The following SDCCAG8 variants were observed in gnomAD, a reference collection of about 807,000 sequenced individuals.
The protein encoded by SDCCAG8 is serologically defined colon cancer antigen 8.
SDCCAG8 carries 74 observed loss-of-function variants against 101.8 expected under a neutral mutation model. The ratio of observed to expected loss-of-function variants is 0.73; its 90% CI spans 0.60 to 0.88. SDCCAG8 has a LOEUF of 0.88. Ranked by LOEUF, SDCCAG8 falls within the 40% of genes least tolerant of loss-of-function variation. The pLI is 0.00. For missense variants in SDCCAG8, 787 were observed against 822.6 expected (o/e 0.96, Z 0.53); for synonymous variants, 281 against 292.9 (o/e 0.96, Z 0.41).
At chr1:243,460,013 G>A (rs1366885771) in intron 16 of SDCCAG8, among the ~76,000 whole-genome samples, 1 of 152,122 alleles carries the variant, frequency 6.6e-6, no homozygotes, top group Non-Finnish European at 1.5e-5. Flanking sequence ...TCACTCAAGG[G>A]ATTATTGCAT....
chr1:243,430,365 T>C (rs1334100278), intron 16 of SDCCAG8, among the ~76,000 whole-genome samples: 2 of 152,126 alleles, frequency 1.3e-5, no homozygotes, highest in African/African-American at 2.4e-5. Context: ...AAACAGAAAG[T>C]GTGGCATACA....
At chr1:243,463,239 G>A (rs1659480229) in intron 16 of SDCCAG8, among the ~76,000 whole-genome samples, 2 of 152,242 alleles carry the variant, frequency 1.3e-5, no homozygotes, top group African/African-American at 4.8e-5. Flanking sequence ...AGAGCCATGG[G>A]TAGGGCACAG....
chr1:243,456,338 G>A (rs1450870745), intron 16 of SDCCAG8, among the ~76,000 whole-genome samples: 1 of 152,140 alleles, frequency 6.6e-6, no homozygotes, highest in East Asian at 1.9e-4. Flanking sequence ...ATGACCCAGG[G>A]TCACTGGGCT....
intron 9 of SDCCAG8, among the ~76,000 whole-genome samples, chr1:243,327,633 G>A (rs1362413534): frequency 6.6e-6 from 1 of 151,816 alleles, no homozygotes; most frequent in Non-Finnish European, 1.5e-5. Flanking sequence ...ATGGTTATAG[G>A]GGTACTCAAT....
chr1:243,498,452 G>C (rs551046348), intron 17 of SDCCAG8, among the ~76,000 whole-genome samples: 2 of 152,120 alleles, frequency 1.3e-5, no homozygotes, highest in African/African-American at 4.8e-5. Context: ...GCAGGTTTAC[G>C]AGGAGGAGTG....
In SDCCAG8 at chr1:243,348,185, A is replaced by G. The variant is rs988770597; in HGVS notation, c.1473+3854A>G. Among the ~76,000 whole-genome samples, 40 of 144,726 alleles carry G rather than the reference A, an allele frequency of 2.8e-4. 1 individual carries two copies. The highest frequency in any genetic ancestry group is 2.4e-3 in the Admixed American group (35 of 14,476). 94.9% of individuals were successfully genotyped at this position (144,726 alleles called of 152,430 possible). ...CGAGTAGCTGGGACCACAGGCGCCCACGACCACGCCCGGCTAATTTTTTTT... is the reference window on the plus strand; with the variant it reads ...CGAGTAGCTGGGACCACAGGCGCCCGCGACCACGCCCGGCTAATTTTTTTT... On this transcript the variant is annotated intron_variant, in intron 12 of 17. Transcript: ENST00000366541.
intron 6 of SDCCAG8, chr1:243,293,609 G>T (rs999571107): frequency 1.8e-5 from 7 of 379,934 alleles, no homozygotes; most frequent in African/African-American, 1.5e-4. Context: ...TCATTTTGTT[G>T]TAGCATGTGT....
intron 7 of SDCCAG8, chr1:243,305,031 G>A (rs1468924692): frequency 2.3e-6 from 1 of 431,424 alleles, no homozygotes; most frequent in Admixed American, 3.9e-5. Flanking sequence ...TCACGGCCGG[G>A]CGCGGTGGCT....
chr1:243,407,301 A>C (rs2079854828), intron 13 of SDCCAG8, among the ~76,000 whole-genome samples: 1 of 152,238 alleles, frequency 6.6e-6, no homozygotes, highest in Non-Finnish European at 1.5e-5. Flanking sequence ...TACTAGCTGC[A>C]TGGCTTTGAG....
intron 13 of SDCCAG8, among the ~76,000 whole-genome samples, chr1:243,391,600 G>C (rs1199008373): frequency 1.3e-5 from 2 of 152,212 alleles, no homozygotes; most frequent in Non-Finnish European, 2.9e-5. Context: ...GAGAGCCACA[G>C]GCTGCTTGGT....
At chr1:243,369,839 G>C (rs886632380) in intron 12 of SDCCAG8, among the ~76,000 whole-genome samples, 1 of 152,066 alleles carries the variant, frequency 6.6e-6, no homozygotes, top group African/African-American at 2.4e-5. Context: ...ATGATAACTG[G>C]TGTGGTCAAC....
At chr1:243,375,101 C>A (rs1426782886) in intron 12 of SDCCAG8, among the ~76,000 whole-genome samples, 1 of 152,038 alleles carries the variant, frequency 6.6e-6, no homozygotes, top group Non-Finnish European at 1.5e-5. Context: ...AATGCTTTAA[C>A]CAAAATCATT....
intron 13 of SDCCAG8, among the ~76,000 whole-genome samples, chr1:243,386,793 G>A (rs990763187): frequency 1.1e-4 from 16 of 151,934 alleles, no homozygotes; most frequent in African/African-American, 2.9e-4. Flanking sequence ...GAGAGAGAAA[G>A]AAAGAAAGGA....
intron 9 of SDCCAG8, among the ~76,000 whole-genome samples, chr1:243,328,431 A>G (rs558585011): frequency 5.9e-5 from 9 of 152,010 alleles, no homozygotes; most frequent in African/African-American, 1.9e-4. Flanking sequence ...GGCACGCACC[A>G]CCTGGCTCAG....
At chr1:243,456,956 A>T (rs1257483767) in intron 16 of SDCCAG8, among the ~76,000 whole-genome samples, 2 of 152,218 alleles carry the variant, frequency 1.3e-5, no homozygotes, top group African/African-American at 4.8e-5. Flanking sequence ...AGGAAAAAGC[A>T]ACCAAATCTG....
chr1:243,330,708 G>T lies in SDCCAG8; in HGVS notation c.1221+16G>T. On this transcript the variant is annotated intron_variant, in intron 10 of 17. Coordinates refer to ENST00000366541, the MANE Select transcript of SDCCAG8 (RefSeq NM_006642.5). The stretch of plus-strand genomic sequence containing the variant: ...GGGATCAAAGGTACTTAAGGACTCT[G>T]CTGTTATCCACATTGCAGAAGAAAG... 6.2e-7 allele frequency: 1 copy of T among 1,613,882 alleles called. No homozygotes were observed. Among genetic ancestry groups the T allele is most frequent in the Non-Finnish European group, 8.5e-7 (1 of 1,179,782 alleles).
chr1:243,360,625 C>G (rs1305638132), intron 12 of SDCCAG8, among the ~76,000 whole-genome samples: 1 of 151,976 alleles, frequency 6.6e-6, no homozygotes, highest in East Asian at 1.9e-4. Flanking sequence ...AGTTCAAGAC[C>G]AGCCTGGCTA....
At chr1:243,345,942 G>A (rs1314423745) in intron 12 of SDCCAG8, among the ~76,000 whole-genome samples, 2 of 152,182 alleles carry the variant, frequency 1.3e-5, no homozygotes, top group African/African-American at 4.8e-5. Context: ...ACGTTTAGTG[G>A]TATGTTTTTA....
chr1:243,406,517 C>T (rs539951140), intron 13 of SDCCAG8, among the ~76,000 whole-genome samples: 80 of 152,274 alleles, frequency 5.3e-4, no homozygotes, highest in African/African-American at 1.9e-3. Context: ...TAAGTGCTTT[C>T]CCTGATTCTA....
Sources: gnomAD v4.1 joint callset for allele counts (sites outside exome capture counted in the v4.1 genomes callset) on GRCh38, gnomAD v4.1.1 for gene constraint, MANE v1.5 for transcripts, NCBI Gene and HGNC (gene_info 2026-07-23, HGNC 2026-07-21) for gene names.